CHST9: variants seen among roughly 807,000 people sequenced by gnomAD.
CHST9 encodes the protein carbohydrate sulfotransferase 9, also known as GalNAc-4-sulfotransferase 2.
In CHST9, 41 loss-of-function variants were observed where a neutral mutation model predicts 44.4. The observed-to-expected ratio is 0.92, with a 90% CI of 0.72 to 1.20. The LOEUF (loss-of-function observed/expected upper bound fraction) is 1.20, where lower values mean the gene tolerates loss of function less well. CHST9 is among the 50% of genes most tolerant of loss of function. The pLI, the probability that CHST9 is intolerant of heterozygous loss-of-function variation, is 0.00. For synonymous variants in CHST9, 171 were observed against 178.4 expected (o/e 0.96, Z 0.33); for missense variants, 504 against 516.5 (o/e 0.98, Z 0.23).
At chr18:26,917,373 A>G (rs768050465) in intron 5 of CHST9, 23 bp from the exon 6 acceptor site, 1 of 1,599,226 alleles carries the variant, frequency 6.3e-7, no homozygotes, top group Non-Finnish European at 8.5e-7. Context: ...AGAAGGAGAA[A>G]TGTTGAAAGC....
At chr18:26,948,125 T>G (rs1032360004) in intron 4 of CHST9, among the ~76,000 whole-genome samples, 1 of 152,122 alleles carries the variant, frequency 6.6e-6, no homozygotes, top group Non-Finnish European at 1.5e-5. Context: ...GAAACCATCA[T>G]TCTCAGCAAA....
intron 2 of CHST9, among the ~76,000 whole-genome samples, chr18:27,051,916 TG>T (rs1439340228): frequency 6.6e-6 from 1 of 152,116 alleles, no homozygotes; most frequent in East Asian, 1.9e-4. Flanking sequence ...ATTTTTAAAG[TG>T]GGGATCAGGG....
intron 4 of CHST9, among the ~76,000 whole-genome samples, chr18:26,978,615 C>T (rs1362796190): frequency 6.6e-6 from 1 of 152,164 alleles, no homozygotes; most frequent in East Asian, 1.9e-4. Flanking sequence ...AACACATGTT[C>T]AGAAAAACAT....
chr18:26,993,955 G>C (rs1378160051), intron 4 of CHST9, among the ~76,000 whole-genome samples: 1 of 152,212 alleles, frequency 6.6e-6, no homozygotes, highest in Non-Finnish European at 1.5e-5. Flanking sequence ...TCTCTCCTCG[G>C]CTGGGGGATG....
chr18:27,153,647 C>T (rs948696123), intron 1 of CHST9, among the ~76,000 whole-genome samples: 1 of 151,580 alleles, frequency 6.6e-6, no homozygotes, highest in Non-Finnish European at 1.5e-5. Context: ...TAGGGCCCAT[C>T]CAGCTAATCT....
At chr18:27,076,210 G>A (rs1159568019) in intron 2 of CHST9, among the ~76,000 whole-genome samples, 2 of 152,196 alleles carry the variant, frequency 1.3e-5, no homozygotes, top group Non-Finnish European at 2.9e-5. Flanking sequence ...AAATTCCTGA[G>A]AGTTTAGTTA....
intron 1 of CHST9, among the ~76,000 whole-genome samples, chr18:27,157,199 T>G (rs908651232): frequency 2.6e-5 from 4 of 152,140 alleles, no homozygotes; most frequent in African/African-American, 9.6e-5. Context: ...AAGATTGATT[T>G]TTTTCCTTCA....
intron 4 of CHST9, among the ~76,000 whole-genome samples, chr18:26,986,529 GA>G (rs1248492726): frequency 1.3e-5 from 2 of 152,060 alleles, no homozygotes; most frequent in African/African-American, 4.8e-5. Context: ...AATAATAGCT[GA>G]AAATTTCATA....
chr18:26,985,673 T>C (rs1350316372), intron 4 of CHST9, among the ~76,000 whole-genome samples: 3 of 152,324 alleles, frequency 2.0e-5, no homozygotes, highest in Non-Finnish European at 2.9e-5. Flanking sequence ...AGGCTTCCCA[T>C]TGGGTATTCA....
chr18:27,111,812 G>C (rs187908151), intron 2 of CHST9, among the ~76,000 whole-genome samples: 3 of 152,154 alleles, frequency 2.0e-5, no homozygotes, highest in African/African-American at 7.2e-5. Context: ...GTGAGGGCCT[G>C]AATAGCACAA....
rs530579453 is a variant in CHST9 at position 26,907,183 on chromosome 18, G to T, written c.*9076C>A. 1.6e-4 allele frequency: 25 copies of T among 152,738 alleles called. No individual in the cohort carries two copies. Among genetic ancestry groups the T allele is most frequent in the African/African-American group, 5.5e-4 (23 of 41,570 alleles). The allele number at this position is 152,738 out of a possible 1,614,324, so 9.5% of individuals were successfully genotyped here. On this transcript the variant is annotated 3_prime_UTR_variant, in exon 6 of 6. Coordinates refer to ENST00000618847, the MANE Select transcript of CHST9 (RefSeq NM_031422.6). Reference sequence around the variant, plus strand: ...TATTAGCAGAATGGATGGGAGGAGAGGAGAAGCTTGAGAAAAAGTCAGGCA... The same window carrying T: ...TATTAGCAGAATGGATGGGAGGAGATGAGAAGCTTGAGAAAAAGTCAGGCA...
rs1348810706 is a variant in CHST9, at chr18:26,944,385, A to G, written c.203-19T>C. On this transcript the variant is annotated intron_variant, in intron 4 of 5. Coordinates refer to ENST00000618847, the MANE Select transcript of CHST9 (RefSeq NM_031422.6). Reference sequence around the variant, plus strand: ...GTACTCACTGAAAGAGAAAGCAAAAAGAATTTTTACATTAAAGCATGAAAA... The same window carrying G: ...GTACTCACTGAAAGAGAAAGCAAAAGGAATTTTTACATTAAAGCATGAAAA... 2 of 1,582,310 alleles carry G rather than the reference A, an allele frequency of 1.3e-6. No individual in the cohort carries two copies. The highest frequency in any genetic ancestry group is 1.7e-6 in the Non-Finnish European group (2 of 1,152,382).
chr18:27,138,563 T>C (rs2058537008), intron 2 of CHST9, among the ~76,000 whole-genome samples: 1 of 152,172 alleles, frequency 6.6e-6, no homozygotes, highest in Admixed American at 6.5e-5. Flanking sequence ...TTTTCCTGAA[T>C]TGTGGCTGAG....
intron 2 of CHST9, among the ~76,000 whole-genome samples, chr18:27,100,036 C>CATATATAATG (rs2143746678): frequency 6.6e-6 from 1 of 151,372 alleles, no homozygotes; most frequent in Admixed American, 6.6e-5. Flanking sequence ...TATATATATA[C>CATATATAATG]ACACACACAT....
intron 4 of CHST9, among the ~76,000 whole-genome samples, chr18:27,009,639 C>T (rs912651671): frequency 1.3e-5 from 2 of 152,142 alleles, no homozygotes; most frequent in African/African-American, 4.8e-5. Flanking sequence ...TGAGGGCATT[C>T]CTTCACTTGG....
chr18:27,060,323 G>A (rs529001297), intron 2 of CHST9, among the ~76,000 whole-genome samples: 2 of 152,180 alleles, frequency 1.3e-5, no homozygotes, highest in Admixed American at 1.3e-4. Flanking sequence ...AGACACTCCA[G>A]GAGTGAAGAG....
At chr18:27,047,859 C>T in intron 3 of CHST9, among the ~76,000 whole-genome samples, 1 of 152,178 alleles carries the variant, frequency 6.6e-6, no homozygotes, top group Non-Finnish European at 1.5e-5. Flanking sequence ...GAAAATCTAT[C>T]TTACCTCACA....
chr18:27,035,288 C>T (rs1433449639), intron 3 of CHST9, among the ~76,000 whole-genome samples: 1 of 152,072 alleles, frequency 6.6e-6, no homozygotes, highest in Non-Finnish European at 1.5e-5. Context: ...TACCTATTGG[C>T]CATTTGTATG....
intron 2 of CHST9, among the ~76,000 whole-genome samples, chr18:27,058,312 GA>G (rs946583371): frequency 1.3e-5 from 2 of 152,044 alleles, no homozygotes; most frequent in Admixed American, 1.3e-4. Context: ...ATTATATTGA[GA>G]AAAACTGGAA....
Sources: gnomAD v4.1 joint callset for allele counts (sites outside exome capture counted in the v4.1 genomes callset) on GRCh38, gnomAD v4.1.1 for gene constraint, MANE v1.5 for transcripts, NCBI Gene and HGNC (gene_info 2026-07-23, HGNC 2026-07-21) for gene names.